Variants in GRIK2 observed in about 807,000 individuals in gnomAD.
The protein encoded by GRIK2 is glutamate receptor ionotropic, kainate 2.
GRIK2 carries 32 observed loss-of-function variants against 100.3 expected under a neutral mutation model. The ratio of observed to expected loss-of-function variants is 0.32; its 90% CI spans 0.24 to 0.43. GRIK2 has a LOEUF of 0.43. Ranked by LOEUF, GRIK2 falls within the 20% of genes least tolerant of loss-of-function variation. The pLI is 1.00. For synonymous variants in GRIK2, 417 were observed against 389.4 expected (o/e 1.07, Z -0.83); for missense variants, 843 against 1,114.9 (o/e 0.76, Z 3.47).
chr6:101,454,834 A>G (rs1188304852), intron 2 of GRIK2, among the ~76,000 whole-genome samples: 1 of 152,150 alleles, frequency 6.6e-6, no homozygotes, highest in Non-Finnish European at 1.5e-5. Flanking sequence ...GAAGGAACTT[A>G]AGCTTATTGG....
chr6:101,698,511 G>A (rs142149868), intron 7 of GRIK2, among the ~76,000 whole-genome samples: 313 of 152,100 alleles, frequency 2.1e-3, no homozygotes, highest in African/African-American at 7.3e-3. Flanking sequence ...TCTTCAGAAT[G>A]CCCTGTGACC....
At chr6:101,821,766 A>T (rs1781963939) in intron 10 of GRIK2, among the ~76,000 whole-genome samples, 1 of 152,040 alleles carries the variant, frequency 6.6e-6, no homozygotes, top group African/African-American at 2.4e-5. Flanking sequence ...TTTTGATGTA[A>T]TTTACTGGTA....
At chr6:101,927,810 T>A (rs1790000100) in intron 13 of GRIK2, 1 of 152,320 alleles carries the variant, frequency 6.6e-6, no homozygotes, top group Non-Finnish European at 1.5e-5. Flanking sequence ...TGATGGGAGA[T>A]CCTTGCTTAT....
intron 2 of GRIK2, among the ~76,000 whole-genome samples, chr6:101,428,449 G>T (rs1439021026): frequency 6.6e-6 from 1 of 152,118 alleles, no homozygotes; most frequent in Non-Finnish European, 1.5e-5. Context: ...TAAGGCTTTG[G>T]TCATTTAACA....
intron 12 of GRIK2, among the ~76,000 whole-genome samples, chr6:101,918,439 G>A (rs565480427): frequency 4.6e-5 from 7 of 151,194 alleles, no homozygotes; most frequent in Admixed American, 2.6e-4. Flanking sequence ...TTCAAAAAAT[G>A]GTAATGTATT....
intron 2 of GRIK2, among the ~76,000 whole-genome samples, chr6:101,583,867 T>C (rs1013588558): frequency 6.6e-6 from 1 of 152,126 alleles, no homozygotes; most frequent in African/African-American, 2.4e-5. Context: ...ATCAAACATA[T>C]TGCCTAATAA....
At chr6:101,819,072 C>T (rs1265727811) in intron 10 of GRIK2, among the ~76,000 whole-genome samples, 1 of 151,826 alleles carries the variant, frequency 6.6e-6, no homozygotes, top group East Asian at 1.9e-4. Flanking sequence ...ATGTTTTTAC[C>T]CCTCTTATAT....
At chr6:101,464,072 C>A (rs1479516922) in intron 2 of GRIK2, among the ~76,000 whole-genome samples, 1 of 152,120 alleles carries the variant, frequency 6.6e-6, no homozygotes, top group African/African-American at 2.4e-5. Context: ...GATTACAATA[C>A]CCTCTATTTT....
At chr6:101,437,814 A>G (rs971770356) in intron 2 of GRIK2, among the ~76,000 whole-genome samples, 3 of 152,084 alleles carry the variant, frequency 2.0e-5, no homozygotes, top group African/African-American at 4.8e-5. Context: ...TGACACACAA[A>G]TCATTCTAAT....
chr6:101,667,945 T>C (rs17062280), intron 4 of GRIK2, among the ~76,000 whole-genome samples: 4,009 of 152,194 alleles, frequency 0.026, 71 homozygotes, highest in Non-Finnish European at 0.038. Flanking sequence ...ATCCCTGACA[T>C]GCAAGTTAAA....
At chr6:101,625,412 A>AAATG (rs1780385828) in intron 3 of GRIK2, among the ~76,000 whole-genome samples, 1 of 151,302 alleles carries the variant, frequency 6.6e-6, no homozygotes, top group African/African-American at 2.4e-5. Context: ...ATAAATAAAT[A>AAATG]AATAAATATG....
intron 1 of GRIK2, among the ~76,000 whole-genome samples, chr6:101,398,269 A>G (rs1227486567): frequency 1.3e-5 from 2 of 152,224 alleles, no homozygotes; most frequent in Non-Finnish European, 2.9e-5. Flanking sequence ...TTGTTTTTAT[A>G]TATGCACAAT....
At chr6:102,052,666 T>G (rs1771259606) in intron 15 of GRIK2, among the ~76,000 whole-genome samples, 1 of 152,204 alleles carries the variant, frequency 6.6e-6, no homozygotes, top group African/African-American at 2.4e-5. Flanking sequence ...CTTTCAATAG[T>G]TCTCAAAATG....
chr6:101,537,421 T>C (rs1419876922), intron 2 of GRIK2, among the ~76,000 whole-genome samples: 1 of 115,384 alleles, frequency 8.7e-6, no homozygotes, highest in Non-Finnish European at 1.7e-5. Flanking sequence ...GTAGAATGTG[T>C]GTGTGTTTGT....
rs567144488 is a variant in GRIK2 at position 101,466,156 on chromosome 6, G to A, written c.115+66764G>A. Among the ~76,000 whole-genome samples, 3 of 152,096 alleles carry A rather than the reference G, an allele frequency of 2.0e-5. No individual in the cohort carries two copies. In the East Asian group the frequency reaches 5.8e-4, roughly 29 times the overall value. ...GCAACGTCAAAGTGTTTCTTTCTGGGTCATGGTCTCTTCACCTTGAAACTC... is the reference window on the plus strand; with the variant it reads ...GCAACGTCAAAGTGTTTCTTTCTGGATCATGGTCTCTTCACCTTGAAACTC... On this transcript the variant is annotated intron_variant, in intron 2 of 16. Coordinates refer to ENST00000369134, the MANE Select transcript of GRIK2 (RefSeq NM_021956.5).
At chr6:101,615,632 C>T (rs1477382058) in intron 2 of GRIK2, among the ~76,000 whole-genome samples, 1 of 151,692 alleles carries the variant, frequency 6.6e-6, no homozygotes, top group Non-Finnish European at 1.5e-5. Context: ...TTATGAAATA[C>T]TATGTACAAT....
At chr6:101,443,716 T>C (rs1329192909) in intron 2 of GRIK2, among the ~76,000 whole-genome samples, 1 of 152,036 alleles carries the variant, frequency 6.6e-6, no homozygotes, top group East Asian at 1.9e-4. Context: ...GATTCTGAAC[T>C]GAATCAAGGT....
chr6:101,743,609 A>T (rs1240047197), intron 7 of GRIK2, among the ~76,000 whole-genome samples: 1 of 152,134 alleles, frequency 6.6e-6, no homozygotes, highest in East Asian at 1.9e-4. Context: ...CAGAGAAAGT[A>T]ATCAAAATGG....
intron 2 of GRIK2, among the ~76,000 whole-genome samples, chr6:101,518,501 G>C (rs1463371852): frequency 6.6e-6 from 1 of 151,712 alleles, no homozygotes; most frequent in African/African-American, 2.4e-5. Context: ...TCATATTGGA[G>C]AGGCAATCAA....
Sources: allele counts gnomAD v4.1 joint callset (sites outside exome capture counted in the v4.1 genomes callset), GRCh38; gene constraint gnomAD v4.1.1; transcripts MANE v1.5; gene names NCBI Gene and HGNC (gene_info 2026-07-23, HGNC 2026-07-21).